The following CSN2 variants were observed in gnomAD, a reference collection of about 807,000 sequenced individuals.
CSN2 encodes beta-casein.
In CSN2, 27 loss-of-function variants were observed where a neutral mutation model predicts 27.3. The observed-to-expected ratio is 0.99, with a 90% confidence interval of 0.73 to 1.36. CSN2 has a LOEUF of 1.36. CSN2 is among the 40% of genes most tolerant of loss of function. CSN2 has a pLI of 0.00. For missense variants in CSN2, 333 were observed against 264.5 expected (o/e 1.26, Z -1.80); for synonymous variants, 131 against 94.8 (o/e 1.38, Z -2.22).
At position 69,964,760 on chromosome 4, in the gene CSN2, TAATA is replaced by T. The variant is rs537402392; in HGVS notation, c.-13+917_-13+920del. Among the ~76,000 whole-genome samples the T allele has an allele frequency of 3.7e-3, 559 of 149,688 alleles. 6 individuals are homozygous for T. The highest frequency in any genetic ancestry group is 0.013 in the African/African-American group (528 of 41,142). On this transcript the variant is annotated intron_variant, in intron 1 of 7. Coordinates refer to ENST00000353151, the MANE Select transcript of CSN2 (RefSeq NM_001891.4). ...TTTACTAGTTTTATTACTAATCTAC[TAATA>T]TATATAATAATTTTATATACGAATG...
intron 1 of CSN2, among the ~76,000 whole-genome samples, chr4:69,964,320 T>C (rs548820529): frequency 1.3e-5 from 2 of 152,224 alleles, no homozygotes; most frequent in Admixed American, 6.6e-5. Flanking sequence ...GACCAAAATA[T>C]ACTAAATCAT....
intron 1 of CSN2, 144 bp from the exon 2 acceptor site, chr4:69,961,151 T>A: frequency 1.8e-6 from 1 of 545,826 alleles, no homozygotes; most frequent in Admixed American, 3.1e-5. Context: ...ATAAATAGAA[T>A]AAATACTAAA....
chr4:69,960,173 A>G, intron 2 of CSN2, 94 bp from the exon 3 acceptor site: 1 of 1,163,622 alleles, frequency 8.6e-7, no homozygotes, highest in Non-Finnish European at 1.3e-6. Context: ...TAAAAAAATA[A>G]TCTCACCTCA....
chr4:69,959,517 C>T (rs1723504739), intron 3 of CSN2, among the ~76,000 whole-genome samples: 2 of 152,038 alleles, frequency 1.3e-5, no homozygotes, highest in African/African-American at 2.4e-5. Context: ...ATCAAGTGAT[C>T]ACACACCCAA....
intron 3 of CSN2, 34 bp from the exon 4 acceptor site, chr4:69,959,103 T>A: frequency 8.1e-7 from 1 of 1,237,358 alleles, no homozygotes; most frequent in South Asian, 1.4e-5. Flanking sequence ...TTAGGTTTAG[T>A]TTTAACAATT....
At chr4:69,955,879 C>G (rs1197119316) in intron 7 of CSN2, among the ~76,000 whole-genome samples, 2 of 151,932 alleles carry the variant, frequency 1.3e-5, no homozygotes, top group African/African-American at 2.4e-5. Context: ...AACCTTTACA[C>G]TTGGAGTAAT....
Position 69,957,176 on chromosome 4 carries a change from A to G in CSN2, c.675+98T>C, listed in dbSNP as rs763484673. ...AATAATAAAAGAATCACTTATCTAA[A>G]CTGTTTTTTTAATTCATTTACTCTA... On this transcript the variant is annotated intron_variant, in intron 6 of 7. Transcript: ENST00000353151. 7 of 1,235,266 alleles carry G rather than the reference A, an allele frequency of 5.7e-6. No homozygotes were observed. The East Asian group carries it at 1.8e-4, about 31-fold the overall frequency. The allele number at this position is 1,235,266 out of a possible 1,614,324, so 76.5% of individuals were successfully genotyped here.
intron 3 of CSN2, 93 bp downstream of exon 3, chr4:69,959,960 C>T (rs566621927): frequency 7.8e-5 from 85 of 1,082,934 alleles, no homozygotes; most frequent in Non-Finnish European, 1.1e-4. Flanking sequence ...ATGTCATTAA[C>T]ATAGCTGCAT....
At chr4:69,958,325 C>T (rs1285910976) in intron 5 of CSN2, among the ~76,000 whole-genome samples, 1 of 152,130 alleles carries the variant, frequency 6.6e-6, no homozygotes, top group African/African-American at 2.4e-5. Flanking sequence ...TCTTACATTC[C>T]TTCCCTTGGG....
intron 5 of CSN2, among the ~76,000 whole-genome samples, chr4:69,958,161 AC>A (rs1350800013): frequency 6.6e-6 from 1 of 152,128 alleles, no homozygotes; most frequent in Non-Finnish European, 1.5e-5. Flanking sequence ...CCAATAGTAG[AC>A]CAAATTGTTT....
chr4:69,960,684 T>C (rs1412597318), intron 2 of CSN2, among the ~76,000 whole-genome samples: 1 of 152,084 alleles, frequency 6.6e-6, no homozygotes, highest in Non-Finnish European at 1.5e-5. Flanking sequence ...CGTTGCCATT[T>C]TTATGATTTT....
chr4:69,959,641 T>A (rs2109744291), intron 3 of CSN2, among the ~76,000 whole-genome samples: 1 of 152,200 alleles, frequency 6.6e-6, no homozygotes, highest in Admixed American at 6.6e-5. Context: ...GTGTCCTTTT[T>A]GCACGTCTGC....
chr4:69,965,361 T>TAA (rs34452791), intron 1 of CSN2, among the ~76,000 whole-genome samples: 6 of 137,706 alleles, frequency 4.4e-5, no homozygotes, highest in African/African-American at 8.1e-5. Flanking sequence ...GAAGATTAAT[T>TAA]AAAAAAATGA....
chr4:69,957,420 G>A lies in CSN2; in HGVS notation c.529C>T (p.Leu177=), dbSNP rs779557900. Residue 177 remains leucine, a synonymous_variant, in exon 6 of 8, where the codon CTG becomes TTG. Coordinates refer to ENST00000353151, the MANE Select transcript of CSN2 (RefSeq NM_001891.4). ...GGCACCACTTGCTGGGGGATAGGCA[G>A]GACTTTGGGCTGAGGAACAGACCAC... The part of the protein sequence containing the change: ...PLWSVPQPKV[L]PIPQQVVPYP... 6.2e-7 allele frequency: 1 copy of A among 1,613,532 alleles called. No individual in the cohort carries two copies.
Position 69,959,183 on chromosome 4 carries a change from A to G in CSN2, c.79-114T>C, listed in dbSNP as rs1026275367. ...GATAATATCATTAATAACTTTGTATAATCATTAAACTTATGTATTAAACTG... is the reference window on the plus strand; with the variant it reads ...GATAATATCATTAATAACTTTGTATGATCATTAAACTTATGTATTAAACTG... On this transcript the variant is annotated intron_variant, in intron 3 of 7. Transcript: ENST00000353151. The G allele has an allele frequency of 1.2e-5, 10 of 834,282 alleles. No individual in the cohort carries two copies. The Admixed American group carries it at 2.7e-4, about 22-fold the overall frequency. 51.7% of individuals were successfully genotyped at this position (834,282 alleles called of 1,614,324 possible).
intron 5 of CSN2, 117 bp downstream of exon 5, chr4:69,958,792 G>T (rs1723480552): frequency 1.6e-6 from 1 of 613,212 alleles, no homozygotes; most frequent in Non-Finnish European, 2.7e-6. Flanking sequence ...GTGGTTGGTG[G>T]GTATATGGCA....
At position 69,958,910 on chromosome 4, in the gene CSN2, T is replaced by A; in HGVS notation, c.143A>T (p.Glu48Val). The A allele has an allele frequency of 6.3e-7, 1 of 1,582,256 alleles. No individual in the cohort carries two copies. Among genetic ancestry groups the A allele is most frequent in the Non-Finnish European group, 8.6e-7 (1 of 1,156,116 alleles). ...ATATACTTATCATTAACAAATTACC[T>A]CTCCTTGCTGCTGGTCCTCATGTTT... The part of the protein sequence containing the change: ...KVKHEDQQQG[E>V]DEHQDKIYPS... The change falls in exon 5 of 8, where the codon GAG becomes GTG. Residue 48 changes from glutamate to valine, a missense_variant and splice_region_variant. Glu to Val is a moderately radical substitution (Grantham distance 121). Coordinates refer to ENST00000353151, the MANE Select transcript of CSN2 (RefSeq NM_001891.4).
intron 5 of CSN2, among the ~76,000 whole-genome samples, chr4:69,958,374 T>C (rs1261819070): frequency 6.6e-6 from 1 of 152,166 alleles, no homozygotes; most frequent in African/African-American, 2.4e-5. Context: ...GACATCAATT[T>C]TTTTGTTTAA....
intron 1 of CSN2, among the ~76,000 whole-genome samples, chr4:69,965,069 AT>A (rs1286645362): frequency 6.6e-6 from 1 of 151,380 alleles, no homozygotes; most frequent in African/African-American, 2.4e-5. Flanking sequence ...TTAATTCTGT[AT>A]TTCTGTCTCA....
Sources: allele counts gnomAD v4.1 joint callset (sites outside exome capture counted in the v4.1 genomes callset), GRCh38; gene constraint gnomAD v4.1.1; transcripts MANE v1.5; gene names NCBI Gene and HGNC (gene_info 2026-07-23, HGNC 2026-07-21).